SAMD5: variants seen among roughly 807,000 people sequenced by gnomAD.
SAMD5 encodes the protein sterile alpha motif domain-containing protein 5.
SAMD5 carries 13 observed loss-of-function variants against 11.3 expected under a neutral mutation model. The observed-to-expected ratio is 1.15, with a 90% CI of 0.75 to 1.83. The LOEUF (loss-of-function observed/expected upper bound fraction) is 1.83, where lower values mean the gene tolerates loss of function less well. Ranked by LOEUF, SAMD5 falls within the 40% of genes most tolerant of loss-of-function variation. The pLI is 0.00. For missense variants in SAMD5, 255 were observed against 239.1 expected (o/e 1.07, Z -0.44); for synonymous variants, 129 against 111.3 (o/e 1.16, Z -1.00).
chr6:147,737,303 T>C (rs182609430), intron 1 of SAMD5: 2 of 1,204,762 alleles, frequency 1.7e-6, no homozygotes, highest in East Asian at 6.2e-5. Context: ...TCATTTCCTC[T>C]TTTTATGCTC....
the SAMD5 span, among the ~76,000 whole-genome samples, chr6:147,827,990 G>C: frequency 6.6e-6 from 1 of 151,548 alleles, no homozygotes; most frequent in Non-Finnish European, 1.5e-5. Context: ...AGTAGAGATG[G>C]GATTTTGCCG....
chr6:147,508,908 G>A lies in SAMD5; in HGVS notation c.-21G>A, dbSNP rs767605375. The A allele has an allele frequency of 5.7e-6, 9 of 1,584,246 alleles. No individual in the cohort carries two copies. The East Asian group carries it at 2.2e-4, about 38-fold the overall frequency. ...TTTGGGCGCTGGGAAGGTGCTCGGC[G>A]GCGGGGTTCCCGGTCCCACCATGTG... On this transcript the variant is annotated 5_prime_UTR_variant, in exon 1 of 2. Transcript: ENST00000367474.
intron 1 of SAMD5, among the ~76,000 whole-genome samples, chr6:147,513,843 G>T (rs1788125842): frequency 6.6e-6 from 1 of 152,120 alleles, no homozygotes; most frequent in African/African-American, 2.4e-5. Context: ...TAATGGCCAG[G>T]TAGGACAAGA....
intron 1 of SAMD5, among the ~76,000 whole-genome samples, chr6:147,535,772 C>A (rs1174393746): frequency 6.6e-6 from 1 of 152,126 alleles, no homozygotes; most frequent in African/African-American, 2.4e-5. Context: ...GGGCAAATTC[C>A]TTTTCTCTGG....
At chr6:147,625,595 C>T (rs914743494) in intron 1 of SAMD5, among the ~76,000 whole-genome samples, 1 of 152,230 alleles carries the variant, frequency 6.6e-6, no homozygotes, top group African/African-American at 2.4e-5. Flanking sequence ...TCCAGCTTTC[C>T]TCAGTGCCAC....
the SAMD5 span, among the ~76,000 whole-genome samples, chr6:147,809,166 CT>C: frequency 1.3e-5 from 2 of 151,418 alleles, no homozygotes; most frequent in African/African-American, 2.4e-5. Context: ...AGGCTCTTTT[CT>C]TTTTTTTTCC....
chr6:147,613,167 T>C (rs1215411244), intron 1 of SAMD5, among the ~76,000 whole-genome samples: 2 of 152,010 alleles, frequency 1.3e-5, no homozygotes, highest in Non-Finnish European at 2.9e-5. Flanking sequence ...CAAAAATAAA[T>C]AAAAATTCAT....
At chr6:147,836,312 C>T in the SAMD5 span, among the ~76,000 whole-genome samples, 11 of 152,272 alleles carry the variant, frequency 7.2e-5, no homozygotes, top group African/African-American at 1.9e-4. Context: ...TCTACTTATG[C>T]GCTTTTGGAG....
At chr6:147,581,321 G>A (rs1789293868) in intron 1 of SAMD5, among the ~76,000 whole-genome samples, 1 of 152,186 alleles carries the variant, frequency 6.6e-6, no homozygotes, top group Non-Finnish European at 1.5e-5. Context: ...GTTGAGATAT[G>A]TCCTTGGAAG....
intron 1 of SAMD5, among the ~76,000 whole-genome samples, chr6:147,700,800 G>A (rs534901087): frequency 2.6e-4 from 40 of 152,338 alleles, no homozygotes; most frequent in African/African-American, 9.6e-4. Flanking sequence ...AAATGTGATC[G>A]GCTGGTGGGA....
At chr6:147,882,890 G>C in the SAMD5 span, among the ~76,000 whole-genome samples, 11 of 152,286 alleles carry the variant, frequency 7.2e-5, no homozygotes, top group African/African-American at 2.6e-4. Flanking sequence ...TGAAATTACT[G>C]TCAGATAAAC....
chr6:147,728,308 T>G (rs921617611), intron 1 of SAMD5, among the ~76,000 whole-genome samples: 3 of 152,118 alleles, frequency 2.0e-5, no homozygotes, highest in Non-Finnish European at 2.9e-5. Context: ...ATCCCAGCTC[T>G]TCGGGAGGCT....
the SAMD5 span, among the ~76,000 whole-genome samples, chr6:147,882,744 C>A: frequency 6.6e-6 from 1 of 152,154 alleles, no homozygotes; most frequent in African/African-American, 2.4e-5. Context: ...ATGTTTAAAA[C>A]AAAAACTTGC....
intron 1 of SAMD5, among the ~76,000 whole-genome samples, chr6:147,597,315 A>T (rs1789546764): frequency 6.6e-6 from 1 of 152,176 alleles, no homozygotes; most frequent in South Asian, 2.1e-4. Context: ...TCCCTTGAGC[A>T]CTGCTGAGAT....
the SAMD5 span, among the ~76,000 whole-genome samples, chr6:147,767,426 C>A: frequency 6.6e-6 from 1 of 150,626 alleles, no homozygotes; most frequent in Non-Finnish European, 1.5e-5. Flanking sequence ...GTCATTGGAG[C>A]TGACCAAAGG....
intron 1 of SAMD5, among the ~76,000 whole-genome samples, chr6:147,620,128 C>T (rs1161866822): frequency 2.6e-5 from 4 of 152,188 alleles, no homozygotes; most frequent in African/African-American, 4.8e-5. Flanking sequence ...CAGTGCCCTT[C>T]CCCTGCTTAG....
At chr6:147,710,968 G>A (rs912793377) in intron 1 of SAMD5, among the ~76,000 whole-genome samples, 1 of 150,554 alleles carries the variant, frequency 6.6e-6, no homozygotes, top group Non-Finnish European at 1.5e-5. Flanking sequence ...ATGAAGGAAG[G>A]AAAGAAGGTG....
intron 1 of SAMD5, among the ~76,000 whole-genome samples, chr6:147,678,922 C>A (rs550073655): frequency 4.6e-5 from 7 of 152,098 alleles, no homozygotes; most frequent in Admixed American, 3.3e-4. Context: ...ACATATCCAT[C>A]GTCTCCAAAA....
intron 1 of SAMD5, among the ~76,000 whole-genome samples, chr6:147,682,200 G>C (rs73011962): frequency 0.12 from 17,503 of 152,114 alleles, 1,112 homozygotes; most frequent in Middle Eastern, 0.16. Flanking sequence ...ATACAGTAAG[G>C]TGGAGCAATG....
Sources: gnomAD v4.1 joint callset for allele counts (sites outside exome capture counted in the v4.1 genomes callset) on GRCh38, gnomAD v4.1.1 for gene constraint, MANE v1.5 for transcripts, NCBI Gene and HGNC (gene_info 2026-07-23, HGNC 2026-07-21) for gene names.